Variants in HDGFL2 observed in about 807,000 individuals in gnomAD.
HDGFL2 encodes the protein HDGF like 2.
A neutral mutation model predicts 77.1 loss-of-function variants in HDGFL2; 36 were observed. That is an observed-to-expected ratio of 0.47 (90% CI 0.36 to 0.62). The LOEUF is 0.62. Ranked by LOEUF, HDGFL2 falls within the 20% of genes least tolerant of loss-of-function variation. The probability of loss-of-function intolerance (pLI) is 0.00; values close to 1 mark genes in which losing one functional copy is unlikely to be tolerated. For synonymous variants in HDGFL2, 463 were observed against 413.1 expected (o/e 1.12, Z -1.46); for missense variants, 976 against 973.4 (o/e 1.00, Z -0.04).
chr19:4,499,203 A>G (rs1272278658), intron 13 of HDGFL2, among the ~76,000 whole-genome samples: 2 of 152,140 alleles, frequency 1.3e-5, no homozygotes, highest in East Asian at 1.9e-4. Flanking sequence ...AAAATTAGCC[A>G]GGTGTGGTGG....
chr19:4,484,395 T>C lies in HDGFL2; in HGVS notation c.289-4281T>C, dbSNP rs139568948. On this transcript the variant is annotated intron_variant, in intron 3 of 15. Coordinates refer to ENST00000616600, the MANE Select transcript of HDGFL2 (RefSeq NM_001001520.3). Reference sequence around the variant, plus strand: ...CACCACGCCCGGCCTGTTTTATTATTATTTTTTTTCCCATCGAGATAACTT... The same window carrying C: ...CACCACGCCCGGCCTGTTTTATTATCATTTTTTTTCCCATCGAGATAACTT... Among the ~76,000 whole-genome samples, 10 of 152,320 alleles carry C rather than the reference T, an allele frequency of 6.6e-5. No individual in the cohort carries two copies. In the South Asian group the frequency reaches 2.1e-3, roughly 32 times the overall value.
Position 4,488,704 on chromosome 19 carries a change from C to T in HDGFL2, c.317C>T (p.Pro106Leu). The T allele has an allele frequency of 6.5e-7, 1 of 1,550,002 alleles. No homozygotes were observed. The highest frequency in any genetic ancestry group is 1.4e-5 in the African/African-American group (1 of 73,356). Residue 106 changes from proline (P) to leucine (L), a missense_variant, in exon 4 of 16, where the codon CCC becomes CTC. Pro to Leu is a moderately conservative substitution (Grantham distance 98). This residue lies in a region of HDGFL2 where 103 missense variants were observed against 145.7 expected (regional missense o/e 0.71). Transcript: ENST00000616600. ...GTGAGCTCCTCCGACAGCGAGGCCC[C>T]CGAGGCCAACCCCGCCGACGGCAGT... ...PPVSSSDSEA[P>L]EANPADGSDA...
At chr19:4,483,323 G>C (rs748951932) in intron 3 of HDGFL2, among the ~76,000 whole-genome samples, 1 of 152,138 alleles carries the variant, frequency 6.6e-6, no homozygotes, top group Non-Finnish European at 1.5e-5. Flanking sequence ...GCTGGTGTGC[G>C]CCTGCTGTGG....
intron 1 of HDGFL2, among the ~76,000 whole-genome samples, chr19:4,472,725 G>A (rs1195995928): frequency 6.6e-6 from 1 of 151,298 alleles, no homozygotes; most frequent in Admixed American, 6.6e-5. Flanking sequence ...CGGGGCCTGG[G>A]GGTCCTGGGC....
At chr19:4,477,352 C>G (rs183741218) in intron 3 of HDGFL2, among the ~76,000 whole-genome samples, 1 of 152,092 alleles carries the variant, frequency 6.6e-6, no homozygotes, top group Admixed American at 6.5e-5. Flanking sequence ...CTGGCAGCCC[C>G]TTCTCAGGGG....
intron 13 of HDGFL2, 78 bp downstream of exon 13, chr19:4,498,993 C>T: frequency 1.0e-6 from 1 of 1,001,290 alleles, no homozygotes; most frequent in Non-Finnish European, 1.5e-6. Context: ...CCCAGGCCCC[C>T]AGCAGGTTCC....
chr19:4,472,486 G>T (rs1974966716), intron 1 of HDGFL2, 64 bp downstream of exon 1: 1 of 1,041,528 alleles, frequency 9.6e-7, no homozygotes, highest in Non-Finnish European at 1.2e-6. Flanking sequence ...GCCCCGGGCC[G>T]GAGGCGGGCA....
rs1244502072 is a variant in HDGFL2 at position 4,491,816 on chromosome 19, T to C, written c.659T>C (p.Leu220Pro). ...GTCCGGGCGCCACGGAGGGGCCCTC[T>C]GGGGGGACGGAAAAAAAAGGTAGCG... ...AAVRAPRRGP[L>P]GGRKKKKAPS... is the part of the protein sequence containing the mutation. Residue 220 changes from leucine (L) to proline (P), a missense_variant, in exon 6 of 16, where the codon CTG (leucine) becomes CCG (proline). Physicochemically the swap from Leu to Pro is moderately conservative, Grantham distance 98. Coordinates refer to ENST00000616600, the MANE Select transcript of HDGFL2 (RefSeq NM_001001520.3). The C allele has an allele frequency of 6.2e-7, 1 of 1,613,690 alleles. No individual in the cohort carries two copies. Among genetic ancestry groups the C allele is most frequent in the Non-Finnish European group, 8.5e-7 (1 of 1,179,944 alleles).
intron 3 of HDGFL2, among the ~76,000 whole-genome samples, chr19:4,482,696 C>G (rs1374422375): frequency 6.6e-6 from 1 of 152,212 alleles, no homozygotes; most frequent in African/African-American, 2.4e-5. Context: ...AAGACCTGCT[C>G]GTGCTTTCAT....
intron 3 of HDGFL2, among the ~76,000 whole-genome samples, chr19:4,481,997 G>A (rs8109595): frequency 1.0e-4 from 15 of 146,568 alleles, no homozygotes; most frequent in African/African-American, 2.8e-4. Flanking sequence ...ACTCTCAGCC[G>A]GGGGGACTGG....
chr19:4,493,254 CTGTG>C (rs1193107103), intron 6 of HDGFL2, among the ~76,000 whole-genome samples: 119 of 89,392 alleles, frequency 1.3e-3, no homozygotes, highest in African/African-American at 4.4e-3. Context: ...TGTGTGTTGT[CTGTG>C]TGTGTGTGTG....
Position 4,496,391 on chromosome 19 carries a change from G to A in HDGFL2, c.1314G>A (p.Glu438=). The part of the protein sequence containing the change: ...GQKEKRVRPE[E]KQQAKPVKVE... ...AGGAGAAGAGAGTGCGGCCCGAGGA[G>A]AAGCAACAAGCCAAGTGAGCCCTGC... Residue 438 remains glutamate (E), a synonymous_variant, in exon 10 of 16, where the codon GAG becomes GAA. Coordinates refer to ENST00000616600, the MANE Select transcript of HDGFL2 (RefSeq NM_001001520.3). The A allele has an allele frequency of 1.9e-6, 3 of 1,613,720 alleles. No homozygotes were observed. Among genetic ancestry groups the A allele is most frequent in the Middle Eastern group, 3.3e-4 (2 of 6,018 alleles).
chr19:4,492,134 C>T (rs1377301638), intron 6 of HDGFL2, among the ~76,000 whole-genome samples: 2 of 152,112 alleles, frequency 1.3e-5, no homozygotes, highest in Admixed American at 1.3e-4. Context: ...GCGAGAGGGA[C>T]ACAGAAGAGA....
chr19:4,489,196 G>C (rs967055315), intron 4 of HDGFL2, among the ~76,000 whole-genome samples: 5 of 151,090 alleles, frequency 3.3e-5, no homozygotes, highest in African/African-American at 1.2e-4. Context: ...CAGGTGATCT[G>C]CCTGCCTCGG....
chr19:4,474,485 C>T (rs1975020986), intron 1 of HDGFL2, among the ~76,000 whole-genome samples: 2 of 152,050 alleles, frequency 1.3e-5, no homozygotes, highest in South Asian at 4.1e-4. Flanking sequence ...GAGAAGGAAG[C>T]TGGGTGAGTG....
intron 3 of HDGFL2, among the ~76,000 whole-genome samples, chr19:4,480,241 C>T (rs1459314380): frequency 6.6e-6 from 1 of 152,180 alleles, no homozygotes; most frequent in African/African-American, 2.4e-5. Context: ...CCAGGGTTCT[C>T]AAGCTTGTGA....
In HDGFL2 at chr19:4,494,211, C is replaced by CGAGGCGCGGAGGCGCGAGCTG; in HGVS notation, c.966_986dup (p.Glu326_Arg332dup). ...GCATCAGTGAGTGGAAGCGGCGGGA[C>CGAGGCGCGGAGGCGCGAGCTG]GAGGCGCGGAGGCGCGAGCTGGAGG... On this transcript the variant is annotated inframe_insertion, in exon 9 of 16. Coordinates refer to ENST00000616600, the MANE Select transcript of HDGFL2 (RefSeq NM_001001520.3). The CGAGGCGCGGAGGCGCGAGCTG allele has an allele frequency of 6.8e-7, 1 of 1,471,982 alleles. No individual in the cohort carries two copies. The highest frequency in any genetic ancestry group is 9.0e-7 in the Non-Finnish European group (1 of 1,115,438). 91.2% of individuals were successfully genotyped at this position (1,471,982 alleles called of 1,614,324 possible). A position where few individuals can be genotyped will look rare whatever the true frequency, so the allele number is the denominator to read the frequency against.
chr19:4,488,952 CTTTTTTTT>C, intron 4 of HDGFL2, 76 bp downstream of exon 4: 3 of 706,556 alleles, frequency 4.2e-6, no homozygotes, highest in Admixed American at 3.2e-5. Flanking sequence ...CTCTCCTGCC[CTTTTTTTT>C]TTTTTTTTTT....
intron 14 of HDGFL2, among the ~76,000 whole-genome samples, chr19:4,500,631 T>G (rs879549541): frequency 5.3e-5 from 8 of 152,014 alleles, no homozygotes; most frequent in Non-Finnish European, 1.0e-4. Flanking sequence ...AGGCTAATAT[T>G]TTGTATTTTT....
Sources: gnomAD v4.1 joint callset for allele counts (sites outside exome capture counted in the v4.1 genomes callset) on GRCh38, gnomAD v4.1.1 for gene constraint, gnomAD v4.1.1 regional missense constraint, MANE v1.5 for transcripts, NCBI Gene and HGNC (gene_info 2026-07-23, HGNC 2026-07-21) for gene names.